The following CACUL1 variants were observed in gnomAD, a reference collection of about 807,000 sequenced individuals.
CACUL1 encodes CDK2 associated cullin domain 1.
In CACUL1, 13 loss-of-function variants were observed where a neutral mutation model predicts 45.2. That is an observed-to-expected ratio of 0.29 (90% CI 0.19 to 0.46). The LOEUF is 0.46. Among genes scored for constraint, CACUL1 ranks in the 20% least tolerant of loss-of-function variants. CACUL1 has a pLI of 1.00. For synonymous variants in CACUL1, 197 were observed against 174.2 expected, an observed-to-expected ratio of 1.13 and a Z score of -1.03; for missense variants, 421 against 471.4, an observed-to-expected ratio of 0.89 and a Z score of 0.99.
At chr10:118,701,793 C>T (rs528786945) in intron 4 of CACUL1, among the ~76,000 whole-genome samples, 6 of 152,170 alleles carry the variant, frequency 3.9e-5, no homozygotes, top group Non-Finnish European at 7.3e-5. Flanking sequence ...AGGCTGTGGA[C>T]ATGCACTCGT....
At chr10:118,703,410 A>C (rs1490148641) in intron 4 of CACUL1, among the ~76,000 whole-genome samples, 3 of 152,278 alleles carry the variant, frequency 2.0e-5, no homozygotes, top group East Asian at 3.9e-4. Flanking sequence ...CTCTAAAAAA[A>C]CAGAGTTGTG....
At position 118,754,734 on chromosome 10, in the gene CACUL1, CCCT is replaced by C. The variant is rs1845940258; in HGVS notation, c.26_28del (p.Glu9del). 1.2e-6 allele frequency: 2 copies of C among 1,600,408 alleles called. No homozygotes were observed. Among genetic ancestry groups the C allele is most frequent in the East Asian group, 4.6e-5 (2 of 43,056 alleles). On this transcript the variant is annotated inframe_deletion, in exon 1 of 9. Transcript: ENST00000369151. ...GTCCATCATCGCCTCGTAGCTGCCC[CCCT>C]CCTCCTCTTCCATGCTTTCCTCCAT...
chr10:118,744,091 T>C (rs1845817787), intron 1 of CACUL1, among the ~76,000 whole-genome samples: 1 of 152,192 alleles, frequency 6.6e-6, no homozygotes, highest in Non-Finnish European at 1.5e-5. Context: ...TCCATTCATA[T>C]GAAAGATCTG....
chr10:118,685,983 C>A lies in CACUL1; in HGVS notation c.*145G>T. On this transcript the variant is annotated 3_prime_UTR_variant, in exon 9 of 9. Transcript: ENST00000369151. ...TAGTTTTTGTTTTAAAATTACAAAC[C>A]AAGTAAGAAGTCCAACATCCTCTTC... is the stretch of plus-strand genomic sequence containing the variant. The A allele has an allele frequency of 1.0e-5, 5 of 477,072 alleles. No homozygotes were observed. The highest frequency in any genetic ancestry group is 7.5e-6 in the Non-Finnish European group (2 of 266,396). The allele number at this position is 477,072 out of a possible 1,614,324, so 29.6% of individuals were successfully genotyped here. A position where few individuals can be genotyped will look rare whatever the true frequency, so the allele number is the denominator to read the frequency against.
Position 118,677,424 on chromosome 10 carries a change from T to C in CACUL1, c.*8704A>G, listed in dbSNP as rs919140667. The C allele has an allele frequency of 1.2e-4, 19 of 152,214 alleles. No individual in the cohort carries two copies. The highest frequency in any genetic ancestry group is 8.5e-4 in the Admixed American group (13 of 15,282). 9.4% of individuals were successfully genotyped at this position (152,214 alleles called of 1,614,324 possible). ...ACTCAGAGAACTGGCATGTTTAGAA[T>C]GGTCCAAACGTTCATATTATGAAGT... On this transcript the variant is annotated 3_prime_UTR_variant, in exon 9 of 9. Coordinates refer to ENST00000369151, the MANE Select transcript of CACUL1 (RefSeq NM_153810.5).
chr10:118,715,905 T>A (rs759584561), intron 3 of CACUL1, among the ~76,000 whole-genome samples: 2 of 152,174 alleles, frequency 1.3e-5, no homozygotes, highest in African/African-American at 4.8e-5. Context: ...TGTACGTTCA[T>A]TGAAATTTTT....
At position 118,681,240 on chromosome 10, in the gene CACUL1, C is replaced by T. The variant is rs1044933831; in HGVS notation, c.*4888G>A. On this transcript the variant is annotated 3_prime_UTR_variant, in exon 9 of 9. Coordinates refer to ENST00000369151, the MANE Select transcript of CACUL1 (RefSeq NM_153810.5). ...CACCACTAGGAACAAGACTTCATTG[C>T]TTCATCCTTGCTCTGGCTGTGCTAG... 2.0e-5 allele frequency: 3 copies of T among 152,252 alleles called. No homozygotes were observed. The highest frequency in any genetic ancestry group is 4.4e-5 in the Non-Finnish European group (3 of 68,044). The allele number at this position is 152,252 out of a possible 1,614,324, so 9.4% of individuals were successfully genotyped here.
At chr10:118,715,079 AC>A (rs1406517577) in intron 3 of CACUL1, among the ~76,000 whole-genome samples, 3 of 152,254 alleles carry the variant, frequency 2.0e-5, no homozygotes, top group Non-Finnish European at 4.4e-5. Flanking sequence ...GATGTTATAG[AC>A]AATAATTTCA....
intron 4 of CACUL1, among the ~76,000 whole-genome samples, chr10:118,703,489 C>A (rs1169987569): frequency 6.6e-6 from 1 of 152,136 alleles, no homozygotes; most frequent in Non-Finnish European, 1.5e-5. Context: ...ACTGATAATA[C>A]AAATGTTCCT....
intron 5 of CACUL1, among the ~76,000 whole-genome samples, chr10:118,696,320 T>TA (rs930021736): frequency 1.1e-4 from 16 of 151,468 alleles, no homozygotes; most frequent in African/African-American, 2.2e-4. Context: ...CTGATGAGCT[T>TA]AAAAAAAAAT....
At chr10:118,702,488 T>C (rs1421483548) in intron 4 of CACUL1, among the ~76,000 whole-genome samples, 1 of 152,206 alleles carries the variant, frequency 6.6e-6, no homozygotes, top group East Asian at 1.9e-4. Flanking sequence ...GATAATACTC[T>C]TCATTATTTA....
intron 1 of CACUL1, among the ~76,000 whole-genome samples, chr10:118,747,536 C>CAAAAAA (rs3061057): frequency 1.3e-5 from 1 of 77,930 alleles, no homozygotes. Flanking sequence ...TTTGGTAAAT[C>CAAAAAA]AAAAAAAAAA....
intron 6 of CACUL1, chr10:118,692,868 C>T (rs1845285891): frequency 6.6e-6 from 1 of 152,192 alleles, no homozygotes; most frequent in Non-Finnish European, 1.5e-5. Flanking sequence ...CAAATAAGCA[C>T]TGCAAATGAT....
intron 1 of CACUL1, among the ~76,000 whole-genome samples, chr10:118,746,133 C>A (rs894792626): frequency 1.5e-5 from 2 of 135,112 alleles, no homozygotes; most frequent in African/African-American, 2.8e-5. Context: ...GCCTGGGCAA[C>A]AGAGCGAGAC....
At chr10:118,726,568 CG>C (rs1365889805) in intron 3 of CACUL1, among the ~76,000 whole-genome samples, 2 of 152,048 alleles carry the variant, frequency 1.3e-5, no homozygotes. Context: ...ATAGTCTGTT[CG>C]GTTTTGAGAG....
intron 3 of CACUL1, among the ~76,000 whole-genome samples, chr10:118,723,290 A>G (rs940832759): frequency 1.3e-5 from 2 of 152,128 alleles, no homozygotes; most frequent in Non-Finnish European, 2.9e-5. Flanking sequence ...GTCACATTAT[A>G]GTTGAAAATA....
At chr10:118,738,273 T>C (rs1383605353) in intron 1 of CACUL1, among the ~76,000 whole-genome samples, 1 of 152,130 alleles carries the variant, frequency 6.6e-6, no homozygotes, top group African/African-American at 2.4e-5. Flanking sequence ...CGAGAAGGAT[T>C]ATTCTGTGGA....
chr10:118,737,151 AC>A (rs985339790), intron 1 of CACUL1, among the ~76,000 whole-genome samples: 1 of 151,356 alleles, frequency 6.6e-6, no homozygotes, highest in African/African-American at 2.4e-5. Context: ...AAAAAAAAAA[AC>A]CTGTATCATC....
chr10:118,754,007 C>G (rs1189993930), intron 1 of CACUL1, among the ~76,000 whole-genome samples: 2 of 152,180 alleles, frequency 1.3e-5, no homozygotes, highest in Non-Finnish European at 2.9e-5. Context: ...AAGGCCTTTC[C>G]CTAACGAGAC....
Sources: allele counts gnomAD v4.1 joint callset (sites outside exome capture counted in the v4.1 genomes callset), GRCh38; gene constraint gnomAD v4.1.1; transcripts MANE v1.5; gene names NCBI Gene and HGNC (gene_info 2026-07-23, HGNC 2026-07-21).